Variants in ZFAND3 observed in about 807,000 individuals in gnomAD.
ZFAND3 encodes the protein AN1-type zinc finger protein 3.
A neutral mutation model predicts 29.6 loss-of-function variants in ZFAND3; 10 were observed. The ratio of observed to expected loss-of-function variants is 0.34; its 90% confidence interval spans 0.21 to 0.57. ZFAND3 has a LOEUF of 0.57. ZFAND3 is among the 20% of genes least tolerant of loss of function. The pLI is 0.86. For missense variants in ZFAND3, 230 were observed against 304.5 expected (o/e 0.76, Z 1.82); for synonymous variants, 128 against 112.6 (o/e 1.14, Z -0.87).
At chr6:38,072,136 T>TTCTC (rs56193979) in intron 3 of ZFAND3, among the ~76,000 whole-genome samples, 28 of 131,630 alleles carry the variant, frequency 2.1e-4, no homozygotes, top group African/African-American at 6.9e-4. Context: ...CATTTTCTGT[T>TTCTC]TCTCTCTCTC....
chr6:38,068,278 CAAAT>C (rs1023361572), intron 3 of ZFAND3, among the ~76,000 whole-genome samples: 3 of 152,062 alleles, frequency 2.0e-5, no homozygotes, highest in African/African-American at 7.2e-5. Flanking sequence ...TGAAAAAAAT[CAAAT>C]AAATATTTTG....
At chr6:37,985,527 A>ACACACACACCCCC (rs753070737) in intron 2 of ZFAND3, among the ~76,000 whole-genome samples, 11 of 141,654 alleles carry the variant, frequency 7.8e-5, no homozygotes, top group Non-Finnish European at 1.6e-4. Context: ...ACACACACAC[A>ACACACACACCCCC]CCCCCACACA....
chr6:37,961,301 G>A (rs1399532447), intron 2 of ZFAND3, among the ~76,000 whole-genome samples: 1 of 152,220 alleles, frequency 6.6e-6, no homozygotes, highest in East Asian at 1.9e-4. Context: ...AGGAAGGACT[G>A]TGTCTTGTGG....
rs145198938 is a variant in ZFAND3, at chr6:37,844,170, C to T, written c.71+24154C>T. On this transcript the variant is annotated intron_variant, in intron 1 of 5. Transcript: ENST00000287218. ...AACTCTTGGGCTCCAGTGATCTGCCCGCCTCGACCTCCTAAAGTGTTGGGA... is the reference window on the plus strand; with the variant it reads ...AACTCTTGGGCTCCAGTGATCTGCCTGCCTCGACCTCCTAAAGTGTTGGGA... 7.2e-4 allele frequency among the ~76,000 whole-genome samples: 110 copies of T among 152,222 alleles called. 1 individual carries two copies. The highest frequency in any genetic ancestry group is 2.6e-3 in the African/African-American group (106 of 41,522).
At chr6:38,132,075 T>A (rs1326991149) in intron 5 of ZFAND3, among the ~76,000 whole-genome samples, 1 of 152,248 alleles carries the variant, frequency 6.6e-6, no homozygotes, top group African/African-American at 2.4e-5. Context: ...ACATATATGC[T>A]GTCAGATAGG....
At chr6:38,017,757 C>T (rs1763277199) in intron 2 of ZFAND3, among the ~76,000 whole-genome samples, 1 of 151,572 alleles carries the variant, frequency 6.6e-6, no homozygotes, top group African/African-American at 2.4e-5. Flanking sequence ...CGGGAAACTC[C>T]CTTTACAGTT....
chr6:37,970,128 A>G (rs991439392), intron 2 of ZFAND3, among the ~76,000 whole-genome samples: 39 of 152,264 alleles, frequency 2.6e-4, no homozygotes, highest in African/African-American at 7.9e-4. Context: ...ATAAATAAAT[A>G]AATAAATGAA....
At chr6:37,848,351 C>T (rs1764219924) in intron 1 of ZFAND3, among the ~76,000 whole-genome samples, 1 of 152,196 alleles carries the variant, frequency 6.6e-6, no homozygotes, top group Middle Eastern at 3.2e-3. Flanking sequence ...CAGATTGAGG[C>T]CAGGTAAAGC....
intron 4 of ZFAND3, among the ~76,000 whole-genome samples, chr6:38,084,511 G>A (rs1764722531): frequency 6.6e-6 from 1 of 152,164 alleles, no homozygotes; most frequent in African/African-American, 2.4e-5. Flanking sequence ...ATTAGATGGT[G>A]TTGATAAATA....
chr6:38,071,497 A>G (rs748430969), intron 3 of ZFAND3, among the ~76,000 whole-genome samples: 2 of 152,114 alleles, frequency 1.3e-5, no homozygotes, highest in Non-Finnish European at 2.9e-5. Context: ...ATACTATTAC[A>G]TAAAGACATA....
At chr6:37,875,747 C>G (rs1302219030) in intron 1 of ZFAND3, among the ~76,000 whole-genome samples, 4 of 151,786 alleles carry the variant, frequency 2.6e-5, no homozygotes, top group Admixed American at 6.6e-5. Context: ...CAGCCTTGAC[C>G]TCTTTCGCTC....
At chr6:38,131,452 AGTTAGACCATACTGCC>A (rs1414733914) in intron 5 of ZFAND3, among the ~76,000 whole-genome samples, 1 of 152,260 alleles carries the variant, frequency 6.6e-6, no homozygotes, top group Non-Finnish European at 1.5e-5. Flanking sequence ...TGTACCCCCA[AGTTAGACCATACTGCC>A]TGTACATTTT....
intron 2 of ZFAND3, among the ~76,000 whole-genome samples, chr6:38,028,754 C>A (rs1763495425): frequency 6.6e-6 from 1 of 152,106 alleles, no homozygotes; most frequent in Non-Finnish European, 1.5e-5. Context: ...TGAAGTGATT[C>A]TGTGGGGTCT....
intron 4 of ZFAND3, among the ~76,000 whole-genome samples, chr6:38,116,371 C>T (rs1388616091): frequency 6.6e-6 from 1 of 152,156 alleles, no homozygotes; most frequent in Non-Finnish European, 1.5e-5. Flanking sequence ...TCAGGCCTAG[C>T]TTGTTAGAAG....
intron 5 of ZFAND3, among the ~76,000 whole-genome samples, chr6:38,133,170 G>T (rs979425467): frequency 6.6e-6 from 1 of 152,140 alleles, no homozygotes; most frequent in African/African-American, 2.4e-5. Flanking sequence ...GTCCATGGTT[G>T]GCCTCTGTTT....
intron 1 of ZFAND3, among the ~76,000 whole-genome samples, chr6:37,914,498 C>G (rs910863027): frequency 2.6e-5 from 4 of 151,588 alleles, no homozygotes; most frequent in African/African-American, 9.7e-5. Flanking sequence ...ACCACCACAC[C>G]TGGCTGATTT....
chr6:37,896,711 A>G (rs527956188), intron 1 of ZFAND3, among the ~76,000 whole-genome samples: 2 of 150,342 alleles, frequency 1.3e-5, no homozygotes, highest in East Asian at 2.0e-4. Flanking sequence ...TTAAATACCT[A>G]TAATGCCCTT....
chr6:38,078,443 G>A (rs1764595087), intron 3 of ZFAND3, among the ~76,000 whole-genome samples: 1 of 152,056 alleles, frequency 6.6e-6, no homozygotes, highest in Non-Finnish European at 1.5e-5. Context: ...AAATATCTCC[G>A]GATAATGAAG....
intron 1 of ZFAND3, among the ~76,000 whole-genome samples, chr6:37,854,973 T>TG (rs888858996): frequency 7.3e-6 from 1 of 137,570 alleles, no homozygotes; most frequent in African/African-American, 3.0e-5. Flanking sequence ...TGTTTTTTTT[T>TG]TTTTTTTTTT....
Sources: allele counts gnomAD v4.1 joint callset (sites outside exome capture counted in the v4.1 genomes callset), GRCh38; gene constraint gnomAD v4.1.1; transcripts MANE v1.5; gene names NCBI Gene and HGNC (gene_info 2026-07-23, HGNC 2026-07-21).